TNFSF4: variants seen among roughly 807,000 people sequenced by gnomAD.
TNFSF4 encodes the protein TNF superfamily member 4, also known as tumor necrosis factor ligand superfamily member 4.
Under a neutral mutation model 7.3 loss-of-function variants are expected in TNFSF4, and 4 were observed. That is an observed-to-expected ratio of 0.55 (90% CI 0.27 to 1.25). The LOEUF (loss-of-function observed/expected upper bound fraction) is 1.25, where lower values mean the gene tolerates loss of function less well. Among genes scored for constraint, TNFSF4 ranks in the 50% most tolerant of loss-of-function variants. The probability of loss-of-function intolerance (pLI) is 0.12; values close to 1 mark genes in which losing one functional copy is unlikely to be tolerated. For missense variants in TNFSF4, 181 were observed against 208.8 expected, an observed-to-expected ratio of 0.87 and a Z score of 0.82; for synonymous variants, 76 against 83.7, an observed-to-expected ratio of 0.91 and a Z score of 0.50.
chr1:173,305,527 C>T, the TNFSF4 span, among the ~76,000 whole-genome samples: 1 of 151,946 alleles, frequency 6.6e-6, no homozygotes, highest in Admixed American at 6.6e-5. Context: ...GATCATTCAA[C>T]CAGTTTCTTG....
chr1:173,350,592 G>A, the TNFSF4 span, among the ~76,000 whole-genome samples: 1 of 152,174 alleles, frequency 6.6e-6, no homozygotes, highest in African/African-American at 2.4e-5. Flanking sequence ...GAGCTTAACA[G>A]AACAAAGGCT....
the TNFSF4 span, among the ~76,000 whole-genome samples, chr1:173,335,099 G>A: frequency 6.6e-6 from 1 of 152,066 alleles, no homozygotes; most frequent in Admixed American, 6.6e-5. Context: ...ATTTAATGTT[G>A]CAGCTCAGGG....
chr1:173,269,612 C>T, the TNFSF4 span, among the ~76,000 whole-genome samples: 14 of 152,032 alleles, frequency 9.2e-5, no homozygotes, highest in African/African-American at 2.2e-4. Context: ...GACTAACAGG[C>T]GGGTAGCATG....
intron 1 of TNFSF4, among the ~76,000 whole-genome samples, chr1:173,202,611 C>A (rs1042804414): frequency 6.6e-6 from 1 of 152,192 alleles, no homozygotes; most frequent in Non-Finnish European, 1.5e-5. Context: ...ACAGACTACA[C>A]AAGAGAAGCA....
At chr1:173,223,773 TA>T in the TNFSF4 span, among the ~76,000 whole-genome samples, 1 of 151,014 alleles carries the variant, frequency 6.6e-6, no homozygotes, top group Non-Finnish European at 1.5e-5. Context: ...TTCAAACGAG[TA>T]GGAAAGAAGG....
the TNFSF4 span, among the ~76,000 whole-genome samples, chr1:173,398,561 A>C: frequency 2.0e-5 from 3 of 151,926 alleles, no homozygotes; most frequent in African/African-American, 7.2e-5. Flanking sequence ...AGTAGCTGGG[A>C]CTGCAGGCAC....
At chr1:173,383,183 T>C in the TNFSF4 span, among the ~76,000 whole-genome samples, 1 of 152,156 alleles carries the variant, frequency 6.6e-6, no homozygotes, top group Non-Finnish European at 1.5e-5. Context: ...CTAAACATCT[T>C]ACTATGTTGC....
chr1:173,209,483 A>G (rs974704654), upstream of TNFSF4, among the ~76,000 whole-genome samples: 1 of 152,132 alleles, frequency 6.6e-6, no homozygotes, highest in Non-Finnish European at 1.5e-5. Context: ...TACTAAATCT[A>G]TGGGCAATTT....
the TNFSF4 span, among the ~76,000 whole-genome samples, chr1:173,309,341 G>C: frequency 6.6e-6 from 1 of 151,478 alleles, no homozygotes; most frequent in Non-Finnish European, 1.5e-5. Context: ...AATGATCTTT[G>C]CTATTTTTTT....
the TNFSF4 span, among the ~76,000 whole-genome samples, chr1:173,242,320 G>GC: frequency 6.6e-6 from 1 of 152,128 alleles, no homozygotes; most frequent in African/African-American, 2.4e-5. Context: ...CAGTATGGGG[G>GC]CCCCGAACCA....
the TNFSF4 span, among the ~76,000 whole-genome samples, chr1:173,276,103 G>A: frequency 3.9e-5 from 6 of 151,910 alleles, no homozygotes; most frequent in East Asian, 5.8e-4. Flanking sequence ...TATCAATATC[G>A]ACAACCAACA....
chr1:173,235,424 TG>T, the TNFSF4 span, among the ~76,000 whole-genome samples: 701 of 152,312 alleles, frequency 4.6e-3, 3 homozygotes, highest in Non-Finnish European at 7.7e-3. Flanking sequence ...GGATTCCAGG[TG>T]GGTCCACCCC....
the TNFSF4 span, among the ~76,000 whole-genome samples, chr1:173,445,148 C>G: frequency 6.6e-6 from 1 of 152,138 alleles, no homozygotes; most frequent in Non-Finnish European, 1.5e-5. Context: ...ATAAAGCCTA[C>G]CTCTTCTGCT....
chr1:173,448,811 A>G, the TNFSF4 span, among the ~76,000 whole-genome samples: 10 of 152,356 alleles, frequency 6.6e-5, no homozygotes, highest in Admixed American at 4.6e-4. Context: ...ATCTGGGCGT[A>G]TAAGTGCAAG....
chr1:173,228,299 G>C, the TNFSF4 span, among the ~76,000 whole-genome samples: 9 of 152,206 alleles, frequency 5.9e-5, no homozygotes, highest in African/African-American at 2.2e-4. Flanking sequence ...GCCTCTGCTG[G>C]TGATACCCAG....
chr1:173,353,877 A>T, the TNFSF4 span, among the ~76,000 whole-genome samples: 2 of 152,202 alleles, frequency 1.3e-5, no homozygotes, highest in Non-Finnish European at 2.9e-5. Context: ...TCATCTTCAT[A>T]GCAATAAGAA....
chr1:173,369,355 C>A, the TNFSF4 span, among the ~76,000 whole-genome samples: 95,878 of 151,994 alleles, frequency 0.63, 30,430 homozygotes, highest in Admixed American at 0.69. Flanking sequence ...TTTTCTTGGT[C>A]CTCTTTGTGG....
the TNFSF4 span, among the ~76,000 whole-genome samples, chr1:173,318,213 G>C: frequency 6.6e-6 from 1 of 152,178 alleles, no homozygotes; most frequent in Non-Finnish European, 1.5e-5. Flanking sequence ...GGCCAAGGGG[G>C]GTGGATCATG....
the TNFSF4 span, among the ~76,000 whole-genome samples, chr1:173,311,110 T>C: frequency 1.3e-5 from 2 of 152,060 alleles, no homozygotes; most frequent in Non-Finnish European, 2.9e-5. Context: ...TTACTTTTAA[T>C]GTTGTTAGTG....
Sources: gnomAD v4.1 joint callset for allele counts (sites outside exome capture counted in the v4.1 genomes callset) on GRCh38, gnomAD v4.1.1 for gene constraint, MANE v1.5 for transcripts, NCBI Gene and HGNC (gene_info 2026-07-23, HGNC 2026-07-21) for gene names.